PTGER3: variants seen among roughly 807,000 people sequenced by gnomAD.
The protein encoded by PTGER3 is prostaglandin E2 receptor EP3 subtype.
Under a neutral mutation model 34.7 loss-of-function variants are expected in PTGER3, and 22 were observed. The observed-to-expected ratio is 0.63, with a 90% CI of 0.45 to 0.91. The LOEUF is 0.91. Among genes scored for constraint, PTGER3 ranks in the 40% least tolerant of loss-of-function variants. PTGER3 has a pLI of 0.00. For synonymous variants in PTGER3, 241 were observed against 230.1 expected (o/e 1.05, Z -0.43); for missense variants, 468 against 519.4 (o/e 0.90, Z 0.96).
chr1:70,913,394 A>G (rs1205823772), intron 4 of PTGER3, among the ~76,000 whole-genome samples: 1 of 151,936 alleles, frequency 6.6e-6, no homozygotes, highest in African/African-American at 2.4e-5. Flanking sequence ...CAGGTTTTTA[A>G]AAATTCTTGA....
intron 1 of PTGER3, among the ~76,000 whole-genome samples, chr1:71,018,215 G>A (rs1186576262): frequency 6.6e-6 from 1 of 152,042 alleles, no homozygotes; most frequent in Non-Finnish European, 1.5e-5. Context: ...GCTTGAAAAC[G>A]ATTTTTTCAT....
chr1:71,031,734 C>A (rs186864978), intron 1 of PTGER3, among the ~76,000 whole-genome samples: 2 of 152,288 alleles, frequency 1.3e-5, no homozygotes, highest in East Asian at 3.9e-4. Flanking sequence ...TTTCTCTGGA[C>A]TCTGTGAGCT....
chr1:70,900,811 T>C (rs1264305842), intron 4 of PTGER3, among the ~76,000 whole-genome samples: 2 of 152,306 alleles, frequency 1.3e-5, no homozygotes, highest in East Asian at 3.9e-4. Flanking sequence ...GAGGTGATCA[T>C]AATGCATGAA....
chr1:70,998,199 T>A (rs1225439734), intron 2 of PTGER3: 1 of 152,236 alleles, frequency 6.6e-6, no homozygotes, highest in Non-Finnish European at 1.5e-5. Flanking sequence ...AAGACAAATA[T>A]TTGAAAGAAT....
At chr1:70,924,562 C>T (rs934519658) in intron 4 of PTGER3, among the ~76,000 whole-genome samples, 4 of 152,060 alleles carry the variant, frequency 2.6e-5, no homozygotes, top group Non-Finnish European at 5.9e-5. Context: ...AGCTAACAGT[C>T]CCATATTAGC....
In PTGER3 at chr1:70,927,744, GA is replaced by G. The variant is rs781094803; in HGVS notation, c.*23+26018del. 5.3e-5 allele frequency among the ~76,000 whole-genome samples: 8 copies of G among 152,142 alleles called. No individual in the cohort carries two copies. The East Asian group carries it at 5.8e-4, about 11-fold the overall frequency. ...CATTTACCATAAAGGAGACTCTGGA[GA>G]AACTCTCAGGGGGATAGAAGAGAAC... is the stretch of plus-strand genomic sequence containing the variant. On this transcript the variant is annotated intron_variant, in intron 4 of 4. Coordinates refer to the PTGER3 transcript ENST00000370931.
chr1:70,941,647 G>A (rs1326104143), intron 4 of PTGER3, among the ~76,000 whole-genome samples: 1 of 152,000 alleles, frequency 6.6e-6, no homozygotes, highest in Admixed American at 6.6e-5. Context: ...ATTCATCCAA[G>A]CCAGGAATTA....
At chr1:70,896,046 A>G (rs1185682238) in intron 4 of PTGER3, among the ~76,000 whole-genome samples, 1 of 152,208 alleles carries the variant, frequency 6.6e-6, no homozygotes, top group Non-Finnish European at 1.5e-5. Context: ...GTGAAATGAT[A>G]ACATTCCTAA....
In PTGER3 at chr1:70,952,985, CA is replaced by C; in HGVS notation, c.1178del (p.Val393GlyfsTer2). The C allele has an allele frequency of 6.2e-7, 1 of 1,613,194 alleles. No homozygotes were observed. Among genetic ancestry groups the C allele is most frequent in the Non-Finnish European group, 8.5e-7 (1 of 1,179,412 alleles). On this transcript the variant is annotated frameshift_variant, in exon 4 of 4. Transcript: ENST00000356595. LOFTEE classifies it low-confidence loss of function (END_TRUNC). The stretch of plus-strand genomic sequence containing the variant: ...GTACCTCCATTTCTTCTCTGTTCAG[CA>C]CACGATAGGTTTGTACTTGCCCACA...
chr1:70,946,945 C>CT (rs1238391977), intron 4 of PTGER3, among the ~76,000 whole-genome samples: 1 of 152,010 alleles, frequency 6.6e-6, no homozygotes, highest in Non-Finnish European at 1.5e-5. Context: ...GGTGCAGTAA[C>CT]TCCATAAGTA....
intron 4 of PTGER3, among the ~76,000 whole-genome samples, chr1:70,938,048 T>C (rs1649398868): frequency 6.6e-6 from 1 of 152,178 alleles, no homozygotes; most frequent in South Asian, 2.1e-4. Context: ...TTAAAAGATG[T>C]CTATTTTGAA....
At chr1:70,978,536 G>A (rs1653931347) in intron 2 of PTGER3, among the ~76,000 whole-genome samples, 1 of 152,162 alleles carries the variant, frequency 6.6e-6, no homozygotes, top group Admixed American at 6.5e-5. Context: ...CCAGGCTTCT[G>A]ATATCAGAGG....
At position 71,047,721 on chromosome 1, in the gene PTGER3, A is replaced by G. The variant is rs1170084368; in HGVS notation, c.-144T>C. 1.1e-6 allele frequency: 1 copy of G among 893,168 alleles called. No homozygotes were observed. The highest frequency in any genetic ancestry group is 1.5e-6 in the Non-Finnish European group (1 of 664,164). 55.3% of individuals were successfully genotyped at this position (893,168 alleles called of 1,614,324 possible). ...TGGTGCGGGGCGCAGCCGCCGCCCT[A>G]CTCCGCTGCTGGGACCGCGGCCGCG... On this transcript the variant is annotated 5_prime_UTR_variant, in exon 1 of 4. Transcript: ENST00000306666.
intron 2 of PTGER3, among the ~76,000 whole-genome samples, chr1:70,957,933 T>C (rs1651526137): frequency 6.6e-6 from 1 of 152,162 alleles, no homozygotes; most frequent in Admixed American, 6.5e-5. Context: ...ATTATGCAGT[T>C]TGTCTTTCTG....
At chr1:70,904,499 G>A (rs991607391) in intron 4 of PTGER3, among the ~76,000 whole-genome samples, 7 of 152,238 alleles carry the variant, frequency 4.6e-5, no homozygotes, top group South Asian at 2.1e-4. Context: ...TGATATGAAC[G>A]ATAAAGTCCA....
At chr1:70,966,322 A>C (rs546426497), downstream of PTGER3, among the ~76,000 whole-genome samples, 5 of 152,292 alleles carry the variant, frequency 3.3e-5, no homozygotes, top group Admixed American at 3.3e-4. Flanking sequence ...GGTTCACCAA[A>C]ATCTCACAAA....
intron 4 of PTGER3, among the ~76,000 whole-genome samples, chr1:70,906,266 C>T (rs1646945926): frequency 6.6e-6 from 1 of 152,072 alleles, no homozygotes; most frequent in Non-Finnish European, 1.5e-5. Flanking sequence ...TTTTTCAAAA[C>T]TTTGAAAACT....
intron 1 of PTGER3, among the ~76,000 whole-genome samples, chr1:71,042,589 T>A (rs947629967): frequency 6.6e-6 from 1 of 152,162 alleles, no homozygotes; most frequent in African/African-American, 2.4e-5. Flanking sequence ...ATATGTTTAA[T>A]CACTTTCTCT....
intron 2 of PTGER3, among the ~76,000 whole-genome samples, chr1:70,985,775 G>A (rs1225215037): frequency 6.6e-6 from 1 of 152,130 alleles, no homozygotes; most frequent in African/African-American, 2.4e-5. Context: ...TCATTTCTAT[G>A]TTCGTCACTT....
Sources: gnomAD v4.1 joint callset for allele counts (sites outside exome capture counted in the v4.1 genomes callset) on GRCh38, gnomAD v4.1.1 for gene constraint, MANE v1.5 for transcripts, NCBI Gene and HGNC (gene_info 2026-07-23, HGNC 2026-07-21) for gene names.